TMEM132B: variants seen among roughly 807,000 people sequenced by gnomAD.
The protein encoded by TMEM132B is transmembrane protein 132B.
Under a neutral mutation model 90.8 loss-of-function variants are expected in TMEM132B, and 18 were observed. The observed-to-expected ratio is 0.20, with a 90% CI of 0.14 to 0.29. The LOEUF is 0.29. Ranked by LOEUF, TMEM132B falls within the 10% of genes least tolerant of loss-of-function variation. The probability of loss-of-function intolerance (pLI) is 1.00; values close to 1 mark genes in which losing one functional copy is unlikely to be tolerated. For synonymous variants in TMEM132B, 504 were observed against 523.3 expected, an observed-to-expected ratio of 0.96 and a Z score of 0.50; for missense variants, 1,096 against 1,326.8, an observed-to-expected ratio of 0.83 and a Z score of 2.70.
intron 3 of TMEM132B, among the ~76,000 whole-genome samples, chr12:125,465,509 A>G (rs930445095): frequency 6.6e-6 from 1 of 152,124 alleles, no homozygotes; most frequent in African/African-American, 2.4e-5. Context: ...ATCCAACTCA[A>G]TCCACTGCTA....
intron 4 of TMEM132B, among the ~76,000 whole-genome samples, chr12:125,520,521 G>A (rs907348486): frequency 3.6e-5 from 5 of 137,878 alleles, no homozygotes; most frequent in African/African-American, 1.5e-4. Context: ...TGTCTCAAGT[G>A]CGTTGAATGT....
chr12:125,435,207 C>T (rs1181635150), intron 3 of TMEM132B, among the ~76,000 whole-genome samples: 1 of 152,164 alleles, frequency 6.6e-6, no homozygotes, highest in Non-Finnish European at 1.5e-5. Flanking sequence ...ATCTCACATC[C>T]CTGGCTGGAA....
At chr12:125,537,609 C>T (rs569539133) in intron 4 of TMEM132B, among the ~76,000 whole-genome samples, 1 of 152,216 alleles carries the variant, frequency 6.6e-6, no homozygotes, top group East Asian at 1.9e-4. Flanking sequence ...CTGGCTGTTT[C>T]CACATGACAA....
At position 125,415,667 on chromosome 12, in the gene TMEM132B, A is replaced by G. The variant is rs773468052; in HGVS notation, c.1096A>G (p.Thr366Ala). ...CACCTGCATGGGCCATCGCCCGGAC[A>G]CGCAGAGCAGGTAAGCATGGAGATC... ...TLTCMGHRPD[T>A]QSRVNGSFYE... is the part of the protein sequence containing the mutation. Residue 366 changes from threonine to alanine, a missense_variant, in exon 3 of 9, where the codon ACG (threonine) becomes GCG (alanine). By Grantham distance (58) the Thr-to-Ala change is moderately conservative. Coordinates refer to ENST00000682704, the MANE Select transcript of TMEM132B (RefSeq NM_001366854.1). This position sits in a 1 kb window ranked among gnomAD's most constrained non-coding sequence, Gnocchi z 5.3. The G allele has an allele frequency of 1.5e-5, 24 of 1,614,006 alleles. No homozygotes were observed. Among genetic ancestry groups the G allele is most frequent in the Non-Finnish European group, 2.0e-5 (24 of 1,180,014 alleles).
At chr12:125,255,285 T>C (rs888826135) in intron 1 of TMEM132B, among the ~76,000 whole-genome samples, 5 of 149,784 alleles carry the variant, frequency 3.3e-5, no homozygotes, top group Non-Finnish European at 4.5e-5. Flanking sequence ...CTTTCTTTCT[T>C]TCTCTCTCTC....
In TMEM132B at chr12:125,653,869, G is replaced by A; in HGVS notation, c.2411G>A (p.Gly804Asp). 6.2e-7 allele frequency: 1 copy of A among 1,614,142 alleles called. No individual in the cohort carries two copies. The highest frequency in any genetic ancestry group is 8.5e-7 in the Non-Finnish European group (1 of 1,180,024). ...CCAAGTAGTGATGAGCACCAAGGAG[G>A]CAGCAATGATATTGAGGGCATAAAT... ...FEPSSDEHQGGSNDIEGINRE... is the reference protein window; with the variant it reads ...FEPSSDEHQGDSNDIEGINRE... The change falls in exon 9 of 9, where the codon GGC (glycine) becomes GAC (aspartate). Residue 804 changes from glycine (G) to aspartate (D), a missense_variant. By Grantham distance (94) the Gly-to-Asp change is moderately conservative. Transcript: ENST00000682704.
At chr12:125,633,637 C>A (rs1358283768) in intron 5 of TMEM132B, among the ~76,000 whole-genome samples, 2 of 152,210 alleles carry the variant, frequency 1.3e-5, no homozygotes, top group African/African-American at 4.8e-5. Context: ...TTAGGGGGCA[C>A]CCCAAGCCCA....
At chr12:125,469,054 T>C (rs1013217174) in intron 3 of TMEM132B, among the ~76,000 whole-genome samples, 1 of 152,202 alleles carries the variant, frequency 6.6e-6, no homozygotes, top group African/African-American at 2.4e-5. Flanking sequence ...CCTTTCCAAT[T>C]TGGATGCCTT....
chr12:125,652,420 G>GTCTCC (rs2137051788), intron 7 of TMEM132B, 21 bp from the exon 8 acceptor site: 1 of 1,563,110 alleles, frequency 6.4e-7, no homozygotes, highest in East Asian at 2.3e-5. Flanking sequence ...AGATGCATGA[G>GTCTCC]TCTCCTCGCT....
chr12:125,605,032 A>G (rs949883184), intron 5 of TMEM132B, among the ~76,000 whole-genome samples: 26 of 152,352 alleles, frequency 1.7e-4, no homozygotes, highest in Admixed American at 3.3e-4. Flanking sequence ...GTTTGGACTA[A>G]GAAACACAAA....
intron 4 of TMEM132B, among the ~76,000 whole-genome samples, chr12:125,569,450 A>G (rs1459590888): frequency 2.6e-5 from 4 of 152,104 alleles, no homozygotes; most frequent in African/African-American, 9.7e-5. Context: ...GATGGGCTTA[A>G]GATCTGGTGT....
intron 2 of TMEM132B, among the ~76,000 whole-genome samples, chr12:125,354,884 T>C (rs960859663): frequency 2.0e-5 from 3 of 152,326 alleles, no homozygotes; most frequent in African/African-American, 7.2e-5. Flanking sequence ...ATACATTCCC[T>C]CACTGTGTTA....
At chr12:125,434,038 G>A (rs11609822) in intron 3 of TMEM132B, among the ~76,000 whole-genome samples, 13,675 of 152,206 alleles carry the variant, frequency 0.09, 616 homozygotes, top group Non-Finnish European at 0.11. Flanking sequence ...AGTTCTGAAA[G>A]TCAGAAGTCT....
rs1425809162 is a variant in TMEM132B at position 125,349,724 on chromosome 12, G to A, written c.340G>A (p.Gly114Arg). The A allele has an allele frequency of 6.2e-7, 1 of 1,614,170 alleles. No homozygotes were observed. Among genetic ancestry groups the A allele is most frequent in the Non-Finnish European group, 8.5e-7 (1 of 1,180,042 alleles). The change falls in exon 2 of 9, where the codon GGA becomes AGA. Residue 114 changes from glycine (G) to arginine (R), a missense_variant. Transcript: ENST00000682704. This position sits in a 1 kb window ranked among gnomAD's most constrained non-coding sequence, Gnocchi z 4.1. ...GCTCCTGTTGACATCTACAGCCTTT[G>A]GAAACATGGACAAATTTCCCTTCAA... ...QELLLTSTAF[G>R]NMDKFPFNWK...
intron 1 of TMEM132B, among the ~76,000 whole-genome samples, chr12:125,223,641 CG>C (rs1298411478): frequency 6.6e-6 from 1 of 152,140 alleles, no homozygotes; most frequent in Non-Finnish European, 1.5e-5. Flanking sequence ...AAAATCACAC[CG>C]TTTAACAGTT....
intron 5 of TMEM132B, among the ~76,000 whole-genome samples, chr12:125,620,565 T>C (rs1886092797): frequency 6.6e-6 from 1 of 152,172 alleles, no homozygotes; most frequent in Admixed American, 6.5e-5. Flanking sequence ...TCTGAAGACA[T>C]GACAAAAGCT....
At chr12:125,290,463 T>G (rs1014107360) in intron 1 of TMEM132B, among the ~76,000 whole-genome samples, 2 of 152,208 alleles carry the variant, frequency 1.3e-5, no homozygotes, top group African/African-American at 4.8e-5. Flanking sequence ...TACCACTGCC[T>G]GAATTTAGCA....
chr12:125,643,013 G>A (rs1461061307), intron 5 of TMEM132B, among the ~76,000 whole-genome samples: 2 of 152,178 alleles, frequency 1.3e-5, no homozygotes, highest in African/African-American at 4.8e-5. Flanking sequence ...AAGTTTGGAA[G>A]TGGGCACTTC....
intron 2 of TMEM132B, among the ~76,000 whole-genome samples, chr12:125,366,562 G>A (rs560206466): frequency 6.6e-6 from 1 of 152,290 alleles, no homozygotes; most frequent in African/African-American, 2.4e-5. Flanking sequence ...TGTAGGTGAT[G>A]TGTTGCTGTT....
Sources: gnomAD v4.1 joint callset for allele counts (sites outside exome capture counted in the v4.1 genomes callset) on GRCh38, gnomAD v4.1.1 for gene constraint, Gnocchi (gnomAD v3.1) non-coding constraint, MANE v1.5 for transcripts, NCBI Gene and HGNC (gene_info 2026-07-23, HGNC 2026-07-21) for gene names.